PAQR8: variants seen among roughly 807,000 people sequenced by gnomAD.
The protein encoded by PAQR8 is membrane progestin receptor beta.
In PAQR8, 17 loss-of-function variants were observed where a neutral mutation model predicts 25.2. That is an observed-to-expected ratio of 0.67 (90% CI 0.46 to 1.01). The LOEUF is 1.01. Among genes scored for constraint, PAQR8 ranks in the 50% least tolerant of loss-of-function variants. The pLI is 0.00. For missense variants in PAQR8, 392 were observed against 448.4 expected, an observed-to-expected ratio of 0.87 and a Z score of 1.14; for synonymous variants, 204 against 190.6, an observed-to-expected ratio of 1.07 and a Z score of -0.58.
At chr6:52,399,442 T>C (rs1057213050) in intron 1 of PAQR8, among the ~76,000 whole-genome samples, 7 of 152,188 alleles carry the variant, frequency 4.6e-5, no homozygotes, top group Non-Finnish European at 7.3e-5. Context: ...AAAGTTTTAG[T>C]CTTTAGAAAT....
rs771471586 is a variant in PAQR8 at position 52,403,371 on chromosome 6, C to G, written c.158C>G (p.Thr53Ser). The change falls in exon 2 of 2, where the codon ACC becomes AGC. Residue 53 changes from threonine to serine, a missense_variant. Physicochemically the swap from Thr to Ser is moderately conservative, Grantham distance 58. Transcript: ENST00000442253. ...PQLFREPYIR[T>S]GYRPTGHEWR... is the part of the protein sequence containing the mutation. The stretch of plus-strand genomic sequence containing the variant: ...CTCTTCCGGGAGCCTTACATCCGCA[C>G]CGGCTACCGCCCCACGGGGCACGAG... 1 of 1,614,134 alleles carries G rather than the reference C, an allele frequency of 6.2e-7. No homozygotes were observed. Among genetic ancestry groups the G allele is most frequent in the Non-Finnish European group, 8.5e-7 (1 of 1,180,060 alleles).
At chr6:52,397,385 G>A (rs1018676428) in intron 1 of PAQR8, among the ~76,000 whole-genome samples, 7 of 152,058 alleles carry the variant, frequency 4.6e-5, no homozygotes, top group African/African-American at 1.5e-4. Flanking sequence ...GCCTTCTAGG[G>A]CTAACACAAG....
intron 1 of PAQR8, among the ~76,000 whole-genome samples, chr6:52,375,845 G>C (rs1269939728): frequency 6.6e-6 from 1 of 152,174 alleles, no homozygotes; most frequent in African/African-American, 2.4e-5. Context: ...AACACTGATG[G>C]TTCATGGAAG....
At chr6:52,379,983 A>G (rs183553629) in intron 1 of PAQR8, among the ~76,000 whole-genome samples, 21 of 148,756 alleles carry the variant, frequency 1.4e-4, no homozygotes, top group Admixed American at 1.3e-3. Flanking sequence ...CTGGTCTTCA[A>G]CTCCTGACCT....
At chr6:52,395,439 TAAAG>T (rs1763757077) in intron 1 of PAQR8, among the ~76,000 whole-genome samples, 1 of 152,150 alleles carries the variant, frequency 6.6e-6, no homozygotes, top group South Asian at 2.1e-4. Flanking sequence ...TAAAAATCCT[TAAAG>T]GAGATAGGGG....
chr6:52,372,267 T>G (rs2113935488), intron 1 of PAQR8, among the ~76,000 whole-genome samples: 1 of 152,350 alleles, frequency 6.6e-6, no homozygotes, highest in South Asian at 2.1e-4. Flanking sequence ...CTCGGAACTC[T>G]GATTCTGTAT....
chr6:52,387,228 G>C (rs976023960), intron 1 of PAQR8, among the ~76,000 whole-genome samples: 2 of 152,194 alleles, frequency 1.3e-5, no homozygotes, highest in Admixed American at 6.5e-5. Context: ...TAGTGCTCCT[G>C]GGTCACTACA....
chr6:52,403,498 C>T lies in PAQR8; in HGVS notation c.285C>T (p.Ala95=), dbSNP rs747606833. Residue 95 remains alanine (A), a synonymous_variant, in exon 2 of 2, where the codon GCC becomes GCT. Coordinates refer to ENST00000442253, the MANE Select transcript of PAQR8 (RefSeq NM_133367.5). ...AALAVLLRFW[A]FAEAEALPWA... is the part of the protein sequence containing the mutation. ...TGGCCGTCCTCTTGCGATTCTGGGC[C>T]TTTGCCGAGGCTGAGGCCTTGCCAT... is the stretch of plus-strand genomic sequence containing the variant. 1.2e-5 allele frequency: 20 copies of T among 1,613,996 alleles called. No individual in the cohort carries two copies. The highest frequency in any genetic ancestry group is 1.7e-5 in the Admixed American group (1 of 60,016).
chr6:52,366,381 A>G (rs1763354088), intron 1 of PAQR8, among the ~76,000 whole-genome samples: 3 of 152,204 alleles, frequency 2.0e-5, no homozygotes, highest in South Asian at 2.1e-4. Flanking sequence ...CTCTCTTACA[A>G]TGATGCAGGA....
chr6:52,381,260 TTCTC>T (rs772305281), intron 1 of PAQR8, among the ~76,000 whole-genome samples: 1 of 152,204 alleles, frequency 6.6e-6, no homozygotes, highest in Admixed American at 6.5e-5. Context: ...AGGAAACGGA[TTCTC>T]TCTCTAAGTC....
intron 1 of PAQR8, among the ~76,000 whole-genome samples, chr6:52,386,802 T>C (rs979855708): frequency 3.3e-5 from 5 of 152,176 alleles, no homozygotes; most frequent in African/African-American, 1.2e-4. Flanking sequence ...CCTGCACATA[T>C]ACCTCCTGAA....
rs771325771 is a variant in PAQR8 at position 52,403,982 on chromosome 6, G to T, written c.769G>T (p.Val257Phe). The T allele has an allele frequency of 6.2e-7, 1 of 1,614,234 alleles. No homozygotes were observed. Among genetic ancestry groups the T allele is most frequent in the South Asian group, 1.1e-5 (1 of 91,090 alleles). ...YHTLQILFFL[V>F]SAYFFSCPVP... ...CACCCTCCAGATCCTCTTCTTCCTG[G>T]TTAGCGCTTATTTCTTCTCCTGCCC... Residue 257 changes from valine to phenylalanine, a missense_variant, in exon 2 of 2, where the codon GTT (valine) becomes TTT (phenylalanine). Transcript: ENST00000442253.
chr6:52,403,386 CG>C lies in PAQR8; in HGVS notation c.177del (p.His60ThrfsTer92). The C allele has an allele frequency of 6.2e-7, 1 of 1,614,246 alleles. No individual in the cohort carries two copies. The highest frequency in any genetic ancestry group is 1.7e-5 in the Admixed American group (1 of 60,034). On this transcript the variant is annotated frameshift_variant, in exon 2 of 2. Transcript: ENST00000442253. LOFTEE classifies it high-confidence loss of function. ...EPYIRTGYRP[T>X]GHEWRYYFFS... ...TACATCCGCACCGGCTACCGCCCCACGGGGCACGAGTGGCGCTACTACTTCT... is the reference window on the plus strand; with the variant it reads ...TACATCCGCACCGGCTACCGCCCCACGGGCACGAGTGGCGCTACTACTTCT...
chr6:52,372,918 GA>G (rs1369013428), intron 1 of PAQR8, among the ~76,000 whole-genome samples: 3 of 152,090 alleles, frequency 2.0e-5, no homozygotes, highest in African/African-American at 7.2e-5. Context: ...TTTGACAGAT[GA>G]AGGCTCTGAG....
chr6:52,393,074 A>G (rs750205094), intron 1 of PAQR8, among the ~76,000 whole-genome samples: 3 of 152,188 alleles, frequency 2.0e-5, no homozygotes, highest in Non-Finnish European at 4.4e-5. Flanking sequence ...TTTGAGGCAT[A>G]GTGGTTAAGA....
chr6:52,403,785 G>C lies in PAQR8; in HGVS notation c.572G>C (p.Cys191Ser), dbSNP rs760188887. ...PAAAFCGWLS[C>S]AGCCYAKYRY... Reference sequence around the variant, plus strand: ...GCTGCCTTCTGTGGCTGGTTATCTTGTGCTGGCTGTTGCTATGCCAAATAT... The same window carrying C: ...GCTGCCTTCTGTGGCTGGTTATCTTCTGCTGGCTGTTGCTATGCCAAATAT... Residue 191 changes from cysteine (C) to serine (S), a missense_variant, in exon 2 of 2, where the codon TGT (cysteine) becomes TCT (serine). Coordinates refer to ENST00000442253, the MANE Select transcript of PAQR8 (RefSeq NM_133367.5). 6 of 1,614,234 alleles carry C rather than the reference G, an allele frequency of 3.7e-6. No individual in the cohort carries two copies. Among genetic ancestry groups the C allele is most frequent in the East Asian group, 2.2e-5 (1 of 44,886 alleles).
intron 1 of PAQR8, among the ~76,000 whole-genome samples, chr6:52,397,502 T>G (rs187352618): frequency 5.3e-5 from 8 of 152,318 alleles, no homozygotes; most frequent in Non-Finnish European, 8.8e-5. Flanking sequence ...TCATCTGGTG[T>G]TGTTGGCTGT....
Position 52,403,296 on chromosome 6 carries a change from A to T in PAQR8, c.83A>T (p.Asp28Val). ...QLRRLPKILE[D>V]GLPKMPCTVP... is the part of the protein sequence containing the mutation. The stretch of plus-strand genomic sequence containing the variant: ...CGCCGCCTGCCCAAGATCCTGGAGG[A>T]TGGGCTTCCCAAGATGCCTTGCACT... The change falls in exon 2 of 2, where the codon GAT (aspartate) becomes GTT (valine). Residue 28 changes from aspartate (D) to valine (V), a missense_variant. By Grantham distance (152) the Asp-to-Val change is radical (BLOSUM62 -3). Coordinates refer to ENST00000442253, the MANE Select transcript of PAQR8 (RefSeq NM_133367.5). 6.2e-7 allele frequency: 1 copy of T among 1,613,958 alleles called. No homozygotes were observed. The highest frequency in any genetic ancestry group is 8.5e-7 in the Non-Finnish European group (1 of 1,179,864).
chr6:52,375,255 C>T (rs1318790335), intron 1 of PAQR8, among the ~76,000 whole-genome samples: 2 of 152,032 alleles, frequency 1.3e-5, no homozygotes, highest in Non-Finnish European at 2.9e-5. Context: ...CAGTCCAGGC[C>T]TGGAATGCTG....
Sources: gnomAD v4.1 joint callset for allele counts (sites outside exome capture counted in the v4.1 genomes callset) on GRCh38, gnomAD v4.1.1 for gene constraint, MANE v1.5 for transcripts, NCBI Gene and HGNC (gene_info 2026-07-23, HGNC 2026-07-21) for gene names.